The following SBF1 variants were observed in gnomAD, a reference collection of about 807,000 sequenced individuals.
SBF1 encodes SET binding factor 1.
SBF1 carries 65 observed loss-of-function variants against 215.8 expected under a neutral mutation model. That is an observed-to-expected ratio of 0.30 (90% CI 0.25 to 0.37). SBF1 has a LOEUF of 0.37. SBF1 is among the 10% of genes least tolerant of loss of function. The pLI, the probability that SBF1 is intolerant of heterozygous loss-of-function variation, is 1.00. For synonymous variants in SBF1, 1,410 were observed against 1,122.8 expected (o/e 1.26, Z -5.11); for missense variants, 2,634 against 2,667.8 (o/e 0.99, Z 0.28).
rs1317707561 is a variant in SBF1 at position 50,460,337 on chromosome 22, T to C, written c.3218A>G (p.Tyr1073Cys). Residue 1073 changes from tyrosine to cysteine, a missense_variant, in exon 25 of 41, where the codon TAC becomes TGC. Transcript: ENST00000380817. ...IGRQHVTRKK[Y>C]NPPSWEHRGQ... ...CCGGTGCTCCCAGCTGGGGGGGTTG[T>C]ACTTCTTGCGAGTGACATGCTGCCG... The C allele has an allele frequency of 1.2e-6, 2 of 1,613,538 alleles. No homozygotes were observed. The highest frequency in any genetic ancestry group is 1.7e-5 in the Admixed American group (1 of 59,980).
At chr22:50,453,927 G>A (rs1295128419) in intron 36 of SBF1, among the ~76,000 whole-genome samples, 1 of 152,100 alleles carries the variant, frequency 6.6e-6, no homozygotes, top group Non-Finnish European at 1.5e-5. Context: ...GGCCCCAAAA[G>A]GTAGCACCAC....
Position 50,464,889 on chromosome 22 carries a change from C to T in SBF1, c.1361G>A (p.Arg454Gln), listed in dbSNP as rs377045434. 19 of 1,613,726 alleles carry T rather than the reference C, an allele frequency of 1.2e-5. No homozygotes were observed. In the South Asian group the frequency reaches 1.2e-4, roughly 10 times the overall value. The change falls in exon 13 of 41, where the codon CGG becomes CAG. Residue 454 changes from arginine to glutamine, a missense_variant. Physicochemically the swap from Arg to Gln is conservative, Grantham distance 43 (BLOSUM62 1). Transcript: ENST00000380817. ...ACGCTGGGGGTGGTTCTCATCCGCC[C>T]GCATCCTTGCCACCTCGTGGGCCAC... is the stretch of plus-strand genomic sequence containing the variant. ...ELVAHEVARM[R>Q]ADENHPQRVL...
intron 28 of SBF1, among the ~76,000 whole-genome samples, chr22:50,458,116 G>T (rs573870295): frequency 6.6e-6 from 1 of 152,088 alleles, no homozygotes; most frequent in Non-Finnish European, 1.5e-5. Flanking sequence ...TGGCTAACAC[G>T]GTAAAACCCT....
chr22:50,447,481 C>CT (rs1569508039), intron 39 of SBF1, 28 bp from the exon 40 acceptor site: 4 of 1,609,776 alleles, frequency 2.5e-6, no homozygotes, highest in Non-Finnish European at 3.4e-6. Flanking sequence ...GTCAGCGGAG[C>CT]CCCCTCCCCC....
rs918197854 is a variant in SBF1, at chr22:50,456,081, G to A, written c.4266+135C>T. 5.3e-6 allele frequency: 5 copies of A among 945,438 alleles called. No individual in the cohort carries two copies. The East Asian group carries it at 1.1e-4, about 20-fold the overall frequency. The allele number at this position is 945,438 out of a possible 1,614,324, so 58.6% of individuals were successfully genotyped here. A position where few individuals can be genotyped will look rare whatever the true frequency, so the allele number is the denominator to read the frequency against. On this transcript the variant is annotated intron_variant, in intron 31 of 40. Coordinates refer to ENST00000380817, the MANE Select transcript of SBF1 (RefSeq NM_002972.4). Reference sequence around the variant, plus strand: ...CTGCCTTCTAGGCACCAGAGCCTGGGTGGGAAGTGGCTGTCACCTCCTCCT... The same window carrying A: ...CTGCCTTCTAGGCACCAGAGCCTGGATGGGAAGTGGCTGTCACCTCCTCCT...
At position 50,466,001 on chromosome 22, in the gene SBF1, G is replaced by A. The variant is rs2067736695; in HGVS notation, c.971C>T (p.Pro324Leu). The change falls in exon 9 of 41, where the codon CCA becomes CTA. Residue 324 changes from proline to leucine, a missense_variant. Physicochemically the swap from Pro to Leu is moderately conservative, Grantham distance 98. Transcript: ENST00000380817. ...IPECVHIPPL[P>L]EPLQSQTHSV... ...GTGCGTCTGACTCTGCAGTGGCTCT[G>A]GCAAGGGTGGAATGTGCACACACTC... is the stretch of plus-strand genomic sequence containing the variant. 1 of 1,614,016 alleles carries A rather than the reference G, an allele frequency of 6.2e-7. No homozygotes were observed.
Position 50,463,369 on chromosome 22 carries a change from G to A in SBF1, c.1813C>T (p.Leu605=). 1 of 1,607,956 alleles carries A rather than the reference G, an allele frequency of 6.2e-7. No individual in the cohort carries two copies. ...RAARRCLAQE[L]HLHVQQNRAV... is the part of the protein sequence containing the mutation. ...CGGTTCTGCTGCACATGCAGGTGCA[G>A]CTCCTGGGCGAGGCAGCGGCGGGCA... The change falls in exon 16 of 41, where the codon CTG becomes TTG. Residue 605 remains leucine, a synonymous_variant. Transcript: ENST00000380817.
chr22:50,461,741 G>A (rs779656129), intron 21 of SBF1, 23 bp from the exon 22 acceptor site: 5 of 1,609,744 alleles, frequency 3.1e-6, no homozygotes, highest in Non-Finnish European at 4.2e-6. Flanking sequence ...AAGAGCAGGA[G>A]CTCAGGATGC....
chr22:50,459,411 C>CTGAGGGAGGGGAGGG lies in SBF1; in HGVS notation c.3689-34_3689-20dup, dbSNP rs1462678957. ...GACTGGCCTGGGGGAGGACACGGAG[C>CTGAGGGAGGGGAGGG]TGAGGGAGGGGAGGGTGAGATAGGG... is the stretch of plus-strand genomic sequence containing the variant. On this transcript the variant is annotated intron_variant, in intron 27 of 40. Transcript: ENST00000380817. The CTGAGGGAGGGGAGGG allele has an allele frequency of 6.2e-7, 1 of 1,611,946 alleles. No homozygotes were observed. Among genetic ancestry groups the CTGAGGGAGGGGAGGG allele is most frequent in the South Asian group, 1.1e-5 (1 of 91,038 alleles).
intron 26 of SBF1, 32 bp downstream of exon 26, chr22:50,459,920 C>A: frequency 1.9e-6 from 3 of 1,609,034 alleles, no homozygotes; most frequent in Non-Finnish European, 2.6e-6. Flanking sequence ...GTCACGTGTC[C>A]ACCACCCGGG....
chr22:50,456,280 G>T lies in SBF1; in HGVS notation c.4202C>A (p.Pro1401His). 1 of 1,612,760 alleles carries T rather than the reference G, an allele frequency of 6.2e-7. No homozygotes were observed. The highest frequency in any genetic ancestry group is 1.1e-5 in the South Asian group (1 of 90,990). ...KLLKACVPGC[P>H]AAEPSPASFL... ...GGAGGCTGGGCTGGGCTCAGCAGCGGGGCAGCCTGGGACACATGCTTTCAG... is the reference window on the plus strand; with the variant it reads ...GGAGGCTGGGCTGGGCTCAGCAGCGTGGCAGCCTGGGACACATGCTTTCAG... Residue 1401 changes from proline (P) to histidine (H), a missense_variant, in exon 31 of 41, where the codon CCC becomes CAC. By Grantham distance (77) the Pro-to-His change is moderately conservative (BLOSUM62 -2). Coordinates refer to ENST00000380817, the MANE Select transcript of SBF1 (RefSeq NM_002972.4).
At chr22:50,465,169 C>T in intron 11 of SBF1, 40 bp from the exon 12 acceptor site, 4 of 1,613,766 alleles carry the variant, frequency 2.5e-6, no homozygotes, top group South Asian at 1.1e-5. Context: ...GGGGTCTCCA[C>T]CATGCGCTTA....
At chr22:50,459,922 C>T (rs1432698734) in intron 26 of SBF1, 30 bp downstream of exon 26, 1 of 1,610,644 alleles carries the variant, frequency 6.2e-7, no homozygotes, top group African/African-American at 1.3e-5. Context: ...CACGTGTCCA[C>T]CACCCGGGCC....
intron 16 of SBF1, 43 bp from the exon 17 acceptor site, chr22:50,462,981 G>T (rs1464661130): frequency 6.4e-7 from 1 of 1,564,456 alleles, no homozygotes; most frequent in Non-Finnish European, 8.7e-7. Context: ...TCCCCTCCCA[G>T]GCAGCACTCA....
Position 50,459,627 on chromosome 22 carries a change from G to T in SBF1, c.3531C>A (p.Asp1177Glu). Residue 1177 changes from aspartate (D) to glutamate (E), a missense_variant, in exon 27 of 41, where the codon GAC becomes GAA. Coordinates refer to ENST00000380817, the MANE Select transcript of SBF1 (RefSeq NM_002972.4). ...AGCGGGACACGCGCTGCAGGGCGTT[G>T]TCCTGGACACTCTGGGGCACGATCA... ...GLLIVPQSVQ[D>E]NALQRVSRCY... is the part of the protein sequence containing the mutation. 1 of 1,609,170 alleles carries T rather than the reference G, an allele frequency of 6.2e-7. No homozygotes were observed. Among genetic ancestry groups the T allele is most frequent in the South Asian group, 1.1e-5 (1 of 90,810 alleles).
chr22:50,448,617 G>A lies in SBF1; in HGVS notation c.5077C>T (p.Pro1693Ser). Residue 1693 changes from proline (P) to serine (S), a missense_variant, in exon 37 of 41, where the codon CCC becomes TCC. By Grantham distance (74) the Pro-to-Ser change is moderately conservative. Transcript: ENST00000380817. ...CAGGTGTCCTTCCAGCGCTCAGCGGGTTGGCCCAACTCTGTCTCCAGCCTC... is the reference window on the plus strand; with the variant it reads ...CAGGTGTCCTTCCAGCGCTCAGCGGATTGGCCCAACTCTGTCTCCAGCCTC... ...LQRLETELGQ[P>S]AERWKDTWDR... The A allele has an allele frequency of 6.2e-7, 1 of 1,611,732 alleles. No homozygotes were observed. The highest frequency in any genetic ancestry group is 8.5e-7 in the Non-Finnish European group (1 of 1,180,014).
At chr22:50,449,625 AACACACACACACACACAC>A (rs59541336) in intron 36 of SBF1, among the ~76,000 whole-genome samples, 1 of 146,856 alleles carries the variant, frequency 6.8e-6, no homozygotes, top group South Asian at 2.2e-4. Flanking sequence ...AAAACACACA[AACACACACACACACACAC>A]ACACACACAC....
Position 50,456,669 on chromosome 22 carries a change from C to G in SBF1, c.3909G>C (p.Lys1303Asn). The change falls in exon 30 of 41, where the codon AAG becomes AAC. Residue 1303 changes from lysine (K) to asparagine (N), a missense_variant. Lys to Asn is a moderately conservative substitution (Grantham distance 94). Transcript: ENST00000380817. ...SASRRTAPRG[K>N]WGSVRTSGRS... ...GTCCACTGGTCCGGACACTGCCCCA[C>G]TTACCTGTGAAGGAGATGCCAGGTA... 6.8e-7 allele frequency: 1 copy of G among 1,475,384 alleles called. No homozygotes were observed. Among genetic ancestry groups the G allele is most frequent in the Non-Finnish European group, 9.0e-7 (1 of 1,111,980 alleles). 91.4% of individuals were successfully genotyped at this position (1,475,384 alleles called of 1,614,324 possible). A position where few individuals can be genotyped will look rare whatever the true frequency, so the allele number is the denominator to read the frequency against.
chr22:50,455,448 G>A, intron 32 of SBF1, 33 bp downstream of exon 32: 1 of 1,612,186 alleles, frequency 6.2e-7, no homozygotes. Flanking sequence ...GAGCCCGGGA[G>A]CCTGGCCCAC....
Sources: gnomAD v4.1 joint callset for allele counts (sites outside exome capture counted in the v4.1 genomes callset) on GRCh38, gnomAD v4.1.1 for gene constraint, MANE v1.5 for transcripts, NCBI Gene and HGNC (gene_info 2026-07-23, HGNC 2026-07-21) for gene names.